SLC26A1: variants seen among roughly 807,000 people sequenced by gnomAD.
SLC26A1 encodes sulfate anion transporter 1.
Under a neutral mutation model 14.5 loss-of-function variants are expected in SLC26A1, and 18 were observed. That is an observed-to-expected ratio of 1.24 (90% confidence interval 0.86 to 1.84). The LOEUF (loss-of-function observed/expected upper bound fraction) is 1.84. SLC26A1 is among the 40% of genes most tolerant of loss of function. The pLI is 0.00. For missense variants in SLC26A1, 1,049 were observed against 1,020.0 expected, an observed-to-expected ratio of 1.03 and a Z score of -0.39; for synonymous variants, 505 against 492.0, an observed-to-expected ratio of 1.03 and a Z score of -0.35.
At chr4:984,824 C>CA (rs980725386), downstream of SLC26A1, among the ~76,000 whole-genome samples, 1 of 151,956 alleles carries the variant, frequency 6.6e-6, no homozygotes. Flanking sequence ...AAAACAAAAA[C>CA]AAAAAAAATT....
Position 989,097 on chromosome 4 carries a change from G to A in SLC26A1, c.1842C>T (p.Ile614=). The A allele has an allele frequency of 1.9e-6, 3 of 1,602,868 alleles. No individual in the cohort carries two copies. Among genetic ancestry groups the A allele is most frequent in the Non-Finnish European group, 2.6e-6 (3 of 1,175,174 alleles). The change falls in exon 3 of 3, where the codon ATC becomes ATT. Residue 614 remains isoleucine, a synonymous_variant. Coordinates refer to ENST00000398516, the MANE Select transcript of SLC26A1 (RefSeq NM_022042.4). The part of the protein sequence containing the change: ...PAAAGFHTVV[I]DCAPLLFLDA... ...CTAGGAACAGCAGCGGGGCGCAGTC[G>A]ATGACCACTGTGTGGAAGCCGGCCG...
At chr4:979,130 C>T (rs1184124024) in exon 3 of SLC26A1, 3 of 299,270 alleles carry the variant, frequency 1.0e-5, no homozygotes, top group South Asian at 7.9e-5. Context: ...TCCTCAGGCC[C>T]ACTAGCATGG....
At chr4:986,816 C>A (rs1479451374), downstream of SLC26A1, 3 of 614,636 alleles carry the variant, frequency 4.9e-6, no homozygotes, top group Middle Eastern at 2.6e-4. Flanking sequence ...ATAGCACCAA[C>A]GGGCGAAGCG....
At chr4:981,688 ACT>A in intron 2 of SLC26A1, among the ~76,000 whole-genome samples, 1 of 151,828 alleles carries the variant, frequency 6.6e-6, no homozygotes, top group Non-Finnish European at 1.5e-5. Flanking sequence ...GCTCTCAGAG[ACT>A]CCACTGTAGA....
chr4:987,328 G>A (rs1713811246), downstream of SLC26A1: 3 of 1,274,352 alleles, frequency 2.4e-6, no homozygotes, highest in East Asian at 2.8e-5. Flanking sequence ...GAGCTTCAGA[G>A]ACCGGAGCTC....
intron 1 of SLC26A1, chr4:992,259 A>C (rs548043291): frequency 6.6e-6 from 3 of 454,662 alleles, no homozygotes; most frequent in East Asian, 7.0e-5. Context: ...TGTCCACCCC[A>C]TGCCCACACC....
intron 2 of SLC26A1, among the ~76,000 whole-genome samples, chr4:982,066 G>A (rs778439965): frequency 2.0e-5 from 3 of 151,784 alleles, no homozygotes; most frequent in Non-Finnish European, 4.4e-5. Flanking sequence ...TGATCCGCCC[G>A]TCTCGGCCTC....
chr4:979,504 T>C, exon 3 of SLC26A1: 2 of 1,613,376 alleles, frequency 1.2e-6, no homozygotes, highest in South Asian at 2.2e-5. Context: ...CCCCAGGACG[T>C]CTGGAAGGAA....
Position 987,695 on chromosome 4 carries a change from C to T in SLC26A1, c.*1138G>A. On this transcript the variant is annotated 3_prime_UTR_variant, in exon 3 of 3. Coordinates refer to ENST00000398516, the MANE Select transcript of SLC26A1 (RefSeq NM_022042.4). ...GGGTCATTTTATTAGTCACTGAACG[C>T]ACGGGCAGCGCCTGGATCCTGCGCC... 6.5e-7 allele frequency: 1 copy of T among 1,538,358 alleles called. No individual in the cohort carries two copies. Among genetic ancestry groups the T allele is most frequent in the Admixed American group, 1.9e-5 (1 of 52,052 alleles).
In SLC26A1 at chr4:988,704, AG is replaced by A; in HGVS notation, c.*128del. ...CCAGTTGGGGTTCCCCGGTTTCCCC[AG>A]GGCAGCTGTGGCACAAGAGTGCAGC... On this transcript the variant is annotated 3_prime_UTR_variant, in exon 3 of 3. Transcript: ENST00000398516. 7.1e-7 allele frequency: 1 copy of A among 1,415,242 alleles called. No homozygotes were observed. The highest frequency in any genetic ancestry group is 1.6e-5 in the South Asian group (1 of 64,088). 87.7% of individuals were successfully genotyped at this position (1,415,242 alleles called of 1,614,324 possible). A position where few individuals can be genotyped will look rare whatever the true frequency, so the allele number is the denominator to read the frequency against.
chr4:992,134 C>A (rs185927467), intron 1 of SLC26A1: 3 of 482,246 alleles, frequency 6.2e-6, no homozygotes, highest in South Asian at 4.6e-5. Flanking sequence ...GCTGCCACCA[C>A]GCACATGTGC....
chr4:991,571 A>G lies in SLC26A1; in HGVS notation c.133T>C (p.Cys45Arg). 6.2e-7 allele frequency: 1 copy of G among 1,602,838 alleles called. No individual in the cohort carries two copies. Among genetic ancestry groups the G allele is most frequent in the Admixed American group, 1.7e-5 (1 of 59,774 alleles). ...LWCSCSCSVL[C>R]VRALVQDLLP... The stretch of plus-strand genomic sequence containing the variant: ...AGGTCCTGCACCAGCGCCCGGACGC[A>G]CAGCACACTGCACGAGCAGCTGCAC... The change falls in exon 2 of 3, where the codon TGC becomes CGC. Residue 45 changes from cysteine to arginine, a missense_variant. Transcript: ENST00000398516.
In SLC26A1 at chr4:989,949, A is replaced by AG; in HGVS notation, c.989dup (p.Gln331SerfsTer140). The AG allele has an allele frequency of 6.4e-7, 1 of 1,555,964 alleles. No homozygotes were observed. On this transcript the variant is annotated frameshift_variant, in exon 3 of 3. Transcript: ENST00000398516. LOFTEE classifies it low-confidence loss of function (END_TRUNC). ...GCATCAGCCTGGGCTCTGGGACCTG[A>AG]GGGGGCATGAAACCCGTGGGGATGT...
At chr4:986,837 C>T (rs1400194231), downstream of SLC26A1, 13 of 635,938 alleles carry the variant, frequency 2.0e-5, no homozygotes, top group African/African-American at 2.2e-4. Context: ...TTCTTCTGAG[C>T]GCTTTCCGAG....
chr4:983,958 G>C (rs1713624141), downstream of SLC26A1, among the ~76,000 whole-genome samples: 1 of 152,182 alleles, frequency 6.6e-6, no homozygotes, highest in Admixed American at 6.5e-5. Context: ...CTGAGTAGCT[G>C]GGATTACAGA....
At position 991,855 on chromosome 4, in the gene SLC26A1, G is replaced by A. The variant is rs770907000; in HGVS notation, c.-27-125C>T. On this transcript the variant is annotated intron_variant, in intron 1 of 2. Transcript: ENST00000398516. ...CCACCCAGGGCCGGGGATTGGTGCT[G>A]GGCCTTCTCCTGGCAGCGCGGGCCC... is the stretch of plus-strand genomic sequence containing the variant. 4.8e-5 allele frequency: 73 copies of A among 1,519,156 alleles called. 1 individual carries two copies. In the South Asian group the frequency reaches 8.6e-4, roughly 18 times the overall value. The allele number at this position is 1,519,156 out of a possible 1,614,324, so 94.1% of individuals were successfully genotyped here. A position where few individuals can be genotyped will look rare whatever the true frequency, so the allele number is the denominator to read the frequency against.
At chr4:981,016 A>C (rs1713523183) in intron 2 of SLC26A1, among the ~76,000 whole-genome samples, 1 of 152,164 alleles carries the variant, frequency 6.6e-6, no homozygotes, top group Non-Finnish European at 1.5e-5. Context: ...CCTGAGACCC[A>C]GCAGGGTCTC....
At chr4:984,901 C>T (rs911180615), downstream of SLC26A1, among the ~76,000 whole-genome samples, 1 of 151,962 alleles carries the variant, frequency 6.6e-6, no homozygotes, top group African/African-American at 2.4e-5. Context: ...TGTGAATGTC[C>T]CCATCATGCA....
At chr4:979,730 C>T (rs1297157531) in intron 2 of SLC26A1, among the ~76,000 whole-genome samples, 9 of 152,190 alleles carry the variant, frequency 5.9e-5, no homozygotes, top group Non-Finnish European at 1.3e-4. Context: ...ACCAGCTTCC[C>T]GTGAATCCGT....
Sources: allele counts gnomAD v4.1 joint callset (sites outside exome capture counted in the v4.1 genomes callset), GRCh38; gene constraint gnomAD v4.1.1; transcripts MANE v1.5; gene names NCBI Gene and HGNC (gene_info 2026-07-23, HGNC 2026-07-21).